The following HBS1L variants were observed in gnomAD, a reference collection of about 807,000 sequenced individuals.
HBS1L encodes HBS1 like translational GTPase, also known as HBS1-like protein.
HBS1L carries 55 observed loss-of-function variants against 88.9 expected under a neutral mutation model. That is an observed-to-expected ratio of 0.62 (90% CI 0.50 to 0.77). The LOEUF is 0.77. Ranked by LOEUF, HBS1L falls within the 30% of genes least tolerant of loss-of-function variation. The pLI is 0.00. For missense variants in HBS1L, 741 were observed against 829.3 expected (o/e 0.89, Z 1.31); for synonymous variants, 267 against 288.5 (o/e 0.93, Z 0.76).
chr6:135,001,421 CT>C (rs1344522599), intron 5 of HBS1L, among the ~76,000 whole-genome samples: 1 of 152,042 alleles, frequency 6.6e-6, no homozygotes, highest in Non-Finnish European at 1.5e-5. Flanking sequence ...TCTGAAAAAT[CT>C]TTTGTACTAA....
At chr6:135,023,848 T>C (rs1776143807) in intron 4 of HBS1L, among the ~76,000 whole-genome samples, 1 of 151,876 alleles carries the variant, frequency 6.6e-6, no homozygotes, top group African/African-American at 2.4e-5. Context: ...CTACTTTATT[T>C]GTGAGGCAAT....
Position 134,965,952 on chromosome 6 carries a change from T to C in HBS1L, c.2043+377A>G, listed in dbSNP as rs531967841. Among the ~76,000 whole-genome samples the C allele has an allele frequency of 5.9e-5, 9 of 152,282 alleles. No homozygotes were observed. The South Asian group carries it at 1.7e-3, about 28-fold the overall frequency. On this transcript the variant is annotated intron_variant, in intron 17 of 17. Transcript: ENST00000367837. ...GGCAGAAAACAATCATGTGGAGTAA[T>C]GAAGTACCCTTTAAAATACAATATT... is the stretch of plus-strand genomic sequence containing the variant.
At chr6:135,024,781 G>T (rs1776180334) in intron 4 of HBS1L, among the ~76,000 whole-genome samples, 1 of 152,002 alleles carries the variant, frequency 6.6e-6, no homozygotes, top group African/African-American at 2.4e-5. Flanking sequence ...TATTTTAGAA[G>T]TTAGTTCTAA....
intron 3 of HBS1L, among the ~76,000 whole-genome samples, chr6:135,041,521 G>A (rs1776735538): frequency 6.6e-6 from 1 of 152,030 alleles, no homozygotes. Flanking sequence ...AATTCACACA[G>A]ATGTAAATCT....
chr6:135,049,570 A>T (rs9402677), intron 2 of HBS1L, among the ~76,000 whole-genome samples: 70,393 of 151,406 alleles, frequency 0.46, 16,653 homozygotes, highest in South Asian at 0.56. Context: ...ACCATATTAA[A>T]TTTTTTTTTC....
chr6:135,050,701 AG>A (rs1777055133), intron 1 of HBS1L, 54 bp from the exon 2 acceptor site: 11 of 1,133,680 alleles, frequency 9.7e-6, no homozygotes, highest in Non-Finnish European at 1.3e-5. Context: ...TTATATTCTT[AG>A]TTACTAGTGA....
intron 4 of HBS1L, among the ~76,000 whole-genome samples, chr6:135,017,992 CAAAAA>C (rs35746876): frequency 8.2e-5 from 12 of 147,002 alleles, no homozygotes; most frequent in South Asian, 2.1e-4. Flanking sequence ...AACAAACAAA[CAAAAA>C]AAAAAAACAG....
At chr6:134,983,338 A>G (rs920422329) in intron 12 of HBS1L, 2 of 152,168 alleles carry the variant, frequency 1.3e-5, no homozygotes, top group African/African-American at 4.8e-5. Context: ...AGGTGATGGT[A>G]TTTCTGTCTT....
At chr6:135,025,968 G>A (rs1776215161) in intron 4 of HBS1L, among the ~76,000 whole-genome samples, 3 of 152,184 alleles carry the variant, frequency 2.0e-5, no homozygotes, top group Admixed American at 2.0e-4. Context: ...CGCACTGGAG[G>A]TGGCAGAATC....
intron 12 of HBS1L, chr6:134,983,347 T>G (rs572002512): frequency 1.3e-5 from 2 of 152,254 alleles, no homozygotes; most frequent in African/African-American, 4.8e-5. Context: ...TATTTCTGTC[T>G]TAGAGTAGAG....
chr6:134,982,470 A>G lies in HBS1L; in HGVS notation c.1585T>C (p.Cys529Arg). Reference sequence around the variant, plus strand: ...TGCAGATAAATACCTTTCACGGTACAAGTTTCATTAGGAGGCATTGCCAGT... The same window carrying G: ...TGCAGATAAATACCTTTCACGGTACGAGTTTCATTAGGAGGCATTGCCAGT... ...RLLAMPPNET[C>R]TVKGITLHDE... is the part of the protein sequence containing the mutation. Residue 529 changes from cysteine to arginine, a missense_variant, in exon 13 of 18, where the codon TGT (cysteine) becomes CGT (arginine). Around this residue, in one of 3 missense-constraint regions of HBS1L, gnomAD observed 181 missense variants for 212.7 expected, o/e 0.85. Transcript: ENST00000367837. 6.3e-7 allele frequency: 1 copy of G among 1,599,654 alleles called. No individual in the cohort carries two copies. Among genetic ancestry groups the G allele is most frequent in the Non-Finnish European group, 8.6e-7 (1 of 1,167,478 alleles).
chr6:134,965,271 C>T lies in HBS1L; in HGVS notation c.*8G>A. 6.4e-7 allele frequency: 1 copy of T among 1,569,438 alleles called. No homozygotes were observed. Among genetic ancestry groups the T allele is most frequent in the Non-Finnish European group, 8.7e-7 (1 of 1,144,834 alleles). ...TGTATCCAGAAACGTGGTAGAAATT[C>T]TGACCCATCATTCTTTTATCTGTTA... On this transcript the variant is annotated 3_prime_UTR_variant, in exon 18 of 18. Coordinates refer to ENST00000367837, the MANE Select transcript of HBS1L (RefSeq NM_006620.4).
chr6:135,053,366 G>C (rs1402254273), intron 1 of HBS1L, among the ~76,000 whole-genome samples: 2 of 152,072 alleles, frequency 1.3e-5, no homozygotes, highest in Non-Finnish European at 2.9e-5. Context: ...TCAAAGCTTA[G>C]AACAGTACTC....
chr6:135,000,472 T>C (rs994323260), intron 5 of HBS1L, among the ~76,000 whole-genome samples: 12 of 152,096 alleles, frequency 7.9e-5, no homozygotes, highest in Admixed American at 7.2e-4. Flanking sequence ...TGGAGTTAAA[T>C]ACTTAGAAGC....
chr6:135,040,344 C>CCTTTT lies in HBS1L; in HGVS notation c.236-578_236-577insAAAAG, dbSNP rs1365916364. ...GGAGATTAAGGGGAGGATAGGCATT[C>CCTTTT]TTTTTTTTTTTTTTTTTTTTTTTTG... On this transcript the variant is annotated intron_variant, in intron 3 of 17. Transcript: ENST00000367837. 2.1e-3 allele frequency among the ~76,000 whole-genome samples: 234 copies of CCTTTT among 110,012 alleles called. 10 individuals carry two copies. The highest frequency in any genetic ancestry group is 0.018 in the Admixed American group (157 of 8,896). 72.2% of individuals were successfully genotyped at this position (110,012 alleles called of 152,430 possible).
At chr6:134,992,823 T>C (rs1465855841) in intron 8 of HBS1L, among the ~76,000 whole-genome samples, 1 of 152,202 alleles carries the variant, frequency 6.6e-6, no homozygotes, top group Non-Finnish European at 1.5e-5. Context: ...ATAAATGTAG[T>C]GTCCCCTGAG....
chr6:135,015,748 A>C (rs919733516), intron 4 of HBS1L, among the ~76,000 whole-genome samples: 2 of 151,526 alleles, frequency 1.3e-5, no homozygotes, highest in African/African-American at 4.9e-5. Context: ...CGCCCAGCTA[A>C]TTGTTTTGTA....
At position 134,986,152 on chromosome 6, in the gene HBS1L, C is replaced by T; in HGVS notation, c.1337G>A (p.Gly446Asp). 6.3e-7 allele frequency: 1 copy of T among 1,590,566 alleles called. No homozygotes were observed. The highest frequency in any genetic ancestry group is 8.6e-7 in the Non-Finnish European group (1 of 1,159,700). ...TGTGATTAGATTTTCACCACTGAGA[C>T]CACTTGTAGGAATAAAACCTACATC... ...ESDVGFIPTSGLSGENLITRS... is the reference protein window; with the variant it reads ...ESDVGFIPTSDLSGENLITRS... Residue 446 changes from glycine to aspartate, a missense_variant, in exon 11 of 18, where the codon GGT becomes GAT. By Grantham distance (94) the Gly-to-Asp change is moderately conservative (BLOSUM62 -1). Around this residue, in one of 3 missense-constraint regions of HBS1L, gnomAD observed 556 missense variants for 598.4 expected, o/e 0.93. Transcript: ENST00000367837.
rs958697417 is a variant in HBS1L, at chr6:134,963,760, AG to A, written c.*1518del. The A allele has an allele frequency of 1.2e-4, 18 of 152,188 alleles. No individual in the cohort carries two copies. The highest frequency in any genetic ancestry group is 4.1e-4 in the African/African-American group (17 of 41,432). 9.4% of individuals were successfully genotyped at this position (152,188 alleles called of 1,614,324 possible). A position where few individuals can be genotyped will look rare whatever the true frequency, so the allele number is the denominator to read the frequency against. On this transcript the variant is annotated 3_prime_UTR_variant, in exon 18 of 18. Transcript: ENST00000367837. Reference sequence around the variant, plus strand: ...AGAGTTTGAGAGCAAAACCAGCACCAGGGAAGGCAGAGTGGAGATGAGTCCT... The same window carrying A: ...AGAGTTTGAGAGCAAAACCAGCACCAGGAAGGCAGAGTGGAGATGAGTCCT...
Sources: allele counts gnomAD v4.1 joint callset (sites outside exome capture counted in the v4.1 genomes callset), GRCh38; gene constraint gnomAD v4.1.1; regional missense constraint gnomAD v4.1.1; transcripts MANE v1.5; gene names NCBI Gene and HGNC (gene_info 2026-07-23, HGNC 2026-07-21).